SUPT3H: variants seen among roughly 807,000 people sequenced by gnomAD.
SUPT3H encodes the protein transcription initiation protein SPT3 homolog.
Under a neutral mutation model 44.3 loss-of-function variants are expected in SUPT3H, and 44 were observed. The ratio of observed to expected loss-of-function variants is 0.99; its 90% CI spans 0.78 to 1.28. The LOEUF (loss-of-function observed/expected upper bound fraction) is 1.28. SUPT3H is among the 50% of genes most tolerant of loss of function. The probability of loss-of-function intolerance (pLI) is 0.00; values close to 1 mark genes in which losing one functional copy is unlikely to be tolerated. For synonymous variants in SUPT3H, 124 were observed against 125.6 expected (o/e 0.99, Z 0.09); for missense variants, 380 against 387.1 (o/e 0.98, Z 0.15).
intron 3 of SUPT3H, among the ~76,000 whole-genome samples, chr6:45,042,738 C>T (rs1788734535): frequency 6.6e-6 from 1 of 151,970 alleles, no homozygotes; most frequent in African/African-American, 2.4e-5. Context: ...CCAGCAATCC[C>T]ATTACTGGGT....
chr6:44,974,398 T>C (rs1216723618), intron 6 of SUPT3H, among the ~76,000 whole-genome samples: 2 of 152,102 alleles, frequency 1.3e-5, no homozygotes, highest in East Asian at 3.9e-4. Context: ...AGAGATGCTT[T>C]GATAGAGGTG....
intron 2 of SUPT3H, among the ~76,000 whole-genome samples, chr6:45,240,952 C>G (rs550146935): frequency 1.3e-5 from 2 of 152,258 alleles, no homozygotes; most frequent in African/African-American, 4.8e-5. Flanking sequence ...CCAGGCACAC[C>G]TGACCTTAAT....
chr6:45,035,451 G>A (rs570658427), intron 3 of SUPT3H, among the ~76,000 whole-genome samples: 84 of 152,194 alleles, frequency 5.5e-4, no homozygotes, highest in Admixed American at 1.5e-3. Context: ...TGTATGGAGA[G>A]GTAATCTGAA....
chr6:45,255,186 G>T (rs535481122), intron 2 of SUPT3H, among the ~76,000 whole-genome samples: 17 of 152,200 alleles, frequency 1.1e-4, no homozygotes, highest in South Asian at 8.3e-4. Flanking sequence ...TATATATAGA[G>T]AGAGAGAGTT....
intron 10 of SUPT3H, among the ~76,000 whole-genome samples, chr6:44,857,746 C>T (rs139274210): frequency 6.7e-6 from 1 of 150,106 alleles, no homozygotes; most frequent in African/African-American, 2.5e-5. Context: ...CAGCTGGAAT[C>T]CTTTGGTAAG....
In SUPT3H at chr6:44,877,739, A is replaced by AT. The variant is rs202240579; in HGVS notation, c.913-47883dup. ...TCTCCTGCATCAAACATTATGTTCA[A>AT]TTTTTTTTTGTCAGTGATGTAGACA... On this transcript the variant is annotated intron_variant, in intron 10 of 10. Transcript: ENST00000371459. Among the ~76,000 whole-genome samples the AT allele has an allele frequency of 8.6e-3, 1,300 of 151,594 alleles. 20 individuals carry two copies. The highest frequency in any genetic ancestry group is 0.029 in the African/African-American group (1,207 of 41,294).
intron 3 of SUPT3H, among the ~76,000 whole-genome samples, chr6:45,038,642 G>A (rs1238969121): frequency 6.6e-6 from 1 of 151,970 alleles, no homozygotes; most frequent in Non-Finnish European, 1.5e-5. Flanking sequence ...TTGTTATACT[G>A]TTTGAAGTAT....
intron 10 of SUPT3H, among the ~76,000 whole-genome samples, chr6:44,852,462 C>G (rs912200900): frequency 3.3e-5 from 5 of 152,010 alleles, no homozygotes; most frequent in Non-Finnish European, 7.4e-5. Flanking sequence ...TTTTACTTAA[C>G]CTCTTCTGGT....
chr6:45,269,981 T>C lies in SUPT3H; in HGVS notation c.101+95220A>G, dbSNP rs184118765. On this transcript the variant is annotated intron_variant, in intron 2 of 10. Transcript: ENST00000371459. ...CCAGCCCTAGGCAACCACGGATCTA[T>C]CCTGTTTCTATAGATTTGCCTATTC... is the stretch of plus-strand genomic sequence containing the variant. 4.5e-4 allele frequency among the ~76,000 whole-genome samples: 69 copies of C among 152,312 alleles called. No individual in the cohort carries two copies. The East Asian group carries it at 0.012, about 27-fold the overall frequency.
At chr6:45,361,582 A>G (rs1581904055) in intron 2 of SUPT3H, 1 of 152,220 alleles carries the variant, frequency 6.6e-6, no homozygotes, top group Non-Finnish European at 1.5e-5. Context: ...AGGCTGCTTG[A>G]GTTCAATAAC....
chr6:44,854,492 T>C (rs1229907780), intron 10 of SUPT3H, among the ~76,000 whole-genome samples: 1 of 152,202 alleles, frequency 6.6e-6, no homozygotes, highest in Non-Finnish European at 1.5e-5. Flanking sequence ...AACTTGGTTC[T>C]GGAGCGGGAG....
At chr6:45,373,562 T>G (rs1796383650) in intron 1 of SUPT3H, among the ~76,000 whole-genome samples, 1 of 152,164 alleles carries the variant, frequency 6.6e-6, no homozygotes, top group Admixed American at 6.5e-5. Context: ...TGTGTGTGTG[T>G]GGTTTTTGAG....
intron 2 of SUPT3H, among the ~76,000 whole-genome samples, chr6:45,345,542 T>C (rs762290281): frequency 1.3e-5 from 2 of 152,196 alleles, no homozygotes; most frequent in Non-Finnish European, 2.9e-5. Context: ...TCCTCTAAGA[T>C]AGAAACCTTG....
intron 2 of SUPT3H, among the ~76,000 whole-genome samples, chr6:45,329,843 T>C (rs1473464790): frequency 6.6e-6 from 1 of 151,982 alleles, no homozygotes; most frequent in East Asian, 1.9e-4. Context: ...CAAGATTCTC[T>C]TTATGATCTC....
intron 10 of SUPT3H, among the ~76,000 whole-genome samples, chr6:44,902,382 C>G (rs148224193): frequency 2.0e-5 from 3 of 152,040 alleles, no homozygotes; most frequent in Non-Finnish European, 4.4e-5. Context: ...GGTTGCAATC[C>G]TAGTCTCTGA....
At chr6:44,866,577 T>C (rs1271522998) in intron 10 of SUPT3H, among the ~76,000 whole-genome samples, 1 of 152,188 alleles carries the variant, frequency 6.6e-6, no homozygotes, top group Non-Finnish European at 1.5e-5. Flanking sequence ...AAGCAACTCC[T>C]TCTAGTGCCC....
intron 2 of SUPT3H, among the ~76,000 whole-genome samples, chr6:45,261,708 T>C (rs1053873811): frequency 2.6e-5 from 4 of 152,160 alleles, no homozygotes; most frequent in South Asian, 2.1e-4. Context: ...CTAGTCAACA[T>C]AGTACTGAAA....
chr6:45,323,676 A>AT, intron 2 of SUPT3H, among the ~76,000 whole-genome samples: 1 of 152,096 alleles, frequency 6.6e-6, no homozygotes, highest in East Asian at 1.9e-4. Context: ...TTTCCAAGTG[A>AT]TAATATCCTC....
intron 2 of SUPT3H, among the ~76,000 whole-genome samples, chr6:45,246,303 G>A (rs1422842591): frequency 3.3e-5 from 5 of 151,644 alleles, no homozygotes; most frequent in Admixed American, 6.6e-5. Flanking sequence ...TTTTTCTTTC[G>A]TTACCTGTGT....
Sources: allele counts gnomAD v4.1 joint callset (sites outside exome capture counted in the v4.1 genomes callset), GRCh38; gene constraint gnomAD v4.1.1; transcripts MANE v1.5; gene names NCBI Gene and HGNC (gene_info 2026-07-23, HGNC 2026-07-21).